The following AZIN2 variants were observed in gnomAD, a reference collection of about 807,000 sequenced individuals.
AZIN2 encodes ODC antizyme inhibitor-2.
A neutral mutation model predicts 47.8 loss-of-function variants in AZIN2; 28 were observed. The ratio of observed to expected loss-of-function variants is 0.59; its 90% confidence interval spans 0.43 to 0.80. AZIN2 has a LOEUF of 0.80. AZIN2 is among the 30% of genes least tolerant of loss of function. The pLI is 0.00. For missense variants in AZIN2, 535 were observed against 582.5 expected (o/e 0.92, Z 0.84); for synonymous variants, 221 against 239.4 (o/e 0.92, Z 0.71).
At chr1:33,136,707 A>G in the AZIN2 span, among the ~76,000 whole-genome samples, 1 of 151,620 alleles carries the variant, frequency 6.6e-6, no homozygotes, top group South Asian at 2.1e-4. Context: ...ACTGTCTATG[A>G]AAATCAGCCA....
the AZIN2 span, among the ~76,000 whole-genome samples, chr1:33,130,333 G>A: frequency 4.6e-5 from 7 of 152,230 alleles, no homozygotes; most frequent in African/African-American, 1.7e-4. Flanking sequence ...TATGTTAGAA[G>A]TGACGGGTTG....
chr1:33,161,878 C>G, the AZIN2 span, among the ~76,000 whole-genome samples: 1 of 152,186 alleles, frequency 6.6e-6, no homozygotes, highest in African/African-American at 2.4e-5. The surrounding 1 kb of genome is among the most constrained non-coding windows in gnomAD (Gnocchi z 4.3). Context: ...CTCTGCCTCC[C>G]ATGTTCCTCG....
At chr1:33,101,735 C>T (rs1029456580) in intron 10 of AZIN2, 29 of 656,768 alleles carry the variant, frequency 4.4e-5, no homozygotes, top group Non-Finnish European at 6.7e-5. Context: ...ATCTATTCCT[C>T]GAGTGTATTT....
At chr1:33,140,701 G>A in the AZIN2 span, among the ~76,000 whole-genome samples, 1 of 152,212 alleles carries the variant, frequency 6.6e-6, no homozygotes, top group Non-Finnish European at 1.5e-5. This position sits in a 1 kb window ranked among gnomAD's most constrained non-coding sequence, Gnocchi z 4.0. Context: ...TGTCCTTGCT[G>A]TGGCTGGTGC....
chr1:33,146,933 T>C, the AZIN2 span: 1 of 544,872 alleles, frequency 1.8e-6, no homozygotes, highest in Non-Finnish European at 3.3e-6. Context: ...GGAGAAGCCA[T>C]GTCACATCCT....
chr1:33,141,777 C>A, the AZIN2 span: 1 of 168,562 alleles, frequency 5.9e-6, no homozygotes, highest in South Asian at 1.8e-4. Context: ...AGCAAACCAC[C>A]ATAGCACACA....
In AZIN2 at chr1:33,093,235, G is replaced by A. The variant is rs772074708; in HGVS notation, c.453-47G>A. 150 of 1,607,262 alleles carry A rather than the reference G, an allele frequency of 9.3e-5. 2 individuals carry two copies. In the Admixed American group the frequency reaches 2.4e-3, roughly 26 times the overall value. The stretch of plus-strand genomic sequence containing the variant: ...CTTGATTGAGAGATGTGGCTGGGGT[G>A]GGGCGACAGGGTTTGTCCAGCAGAG... On this transcript the variant is annotated intron_variant, in intron 6 of 11. Transcript: ENST00000294517.
intron 5 of AZIN2, among the ~76,000 whole-genome samples, chr1:33,084,810 G>A (rs780273829): frequency 6.6e-6 from 1 of 152,076 alleles, no homozygotes; most frequent in Non-Finnish European, 1.5e-5. Context: ...ATGTTGGCCA[G>A]GTTGATCTCA....
chr1:33,135,718 C>T, the AZIN2 span, among the ~76,000 whole-genome samples: 72 of 152,306 alleles, frequency 4.7e-4, 1 homozygote, highest in Admixed American at 3.7e-3. Context: ...CAGGAGGAAC[C>T]TCTTCTCTTG....
At chr1:33,147,896 AG>A in the AZIN2 span, among the ~76,000 whole-genome samples, 1 of 152,204 alleles carries the variant, frequency 6.6e-6, no homozygotes, top group South Asian at 2.1e-4. This position sits in a 1 kb window ranked among gnomAD's most constrained non-coding sequence, Gnocchi z 8.1. Context: ...CCTCCTCTGT[AG>A]AATGGAAGGG....
At position 33,123,235 on chromosome 1, in the gene AZIN2, A is replaced by T. The variant is rs1262656372; in HGVS notation, c.*3053A>T. ...CTAGTCTCTCTCTTTTCTCTTAACT[A>T]GTTTTCTTTTTCTTCATAGTACCTA... On this transcript the variant is annotated 3_prime_UTR_variant, in exon 12 of 12. Coordinates refer to ENST00000294517, the MANE Select transcript of AZIN2 (RefSeq NM_052998.4). Among the ~76,000 whole-genome samples, 2 of 152,052 alleles carry T rather than the reference A, an allele frequency of 1.3e-5. No individual in the cohort carries two copies. Among genetic ancestry groups the T allele is most frequent in the African/African-American group, 4.8e-5 (2 of 41,386 alleles).
chr1:33,095,694 A>C (rs1035378945), intron 8 of AZIN2, among the ~76,000 whole-genome samples: 4 of 152,242 alleles, frequency 2.6e-5, no homozygotes, highest in African/African-American at 9.6e-5. Flanking sequence ...CAAAATCTGC[A>C]TATAACTTTT....
rs137967259 is a variant in AZIN2, at chr1:33,096,783, G to A, written c.830G>A (p.Gly277Glu). The A allele has an allele frequency of 1.9e-4, 300 of 1,614,058 alleles. No individual in the cohort carries two copies. The highest frequency in any genetic ancestry group is 2.5e-4 in the Non-Finnish European group (294 of 1,180,040). Residue 277 changes from glycine to glutamate, a missense_variant, in exon 9 of 12, where the codon GGG becomes GAG. Around this residue, in one of 3 missense-constraint regions of AZIN2, gnomAD observed 409 missense variants for 429.0 expected, o/e 0.95. Transcript: ENST00000294517. ...GGCGTGGACATCTTTGCTGAGCTGG[G>A]GCGCTACTACGTGACCTCGGCCTTC... ...GCGVDIFAELGRYYVTSAFTV... is the reference protein window; with the variant it reads ...GCGVDIFAELERYYVTSAFTV...
Position 33,096,725 on chromosome 1 carries a change from T to G in AZIN2, c.772T>G (p.Ser258Ala). Residue 258 changes from serine (S) to alanine (A), a missense_variant, in exon 9 of 12, where the codon TCA becomes GCA. Coordinates refer to ENST00000294517, the MANE Select transcript of AZIN2 (RefSeq NM_052998.4). ...CTACCAGATTGCTTCCGTGATCAAC[T>G]CAGCCTTGGACCTGTACTTCCCAGA... ...RFEEIASVINSALDLYFPEGC... is the reference protein window; with the variant it reads ...RFEEIASVINAALDLYFPEGC... 6.2e-7 allele frequency: 1 copy of G among 1,614,236 alleles called. No homozygotes were observed. The highest frequency in any genetic ancestry group is 1.1e-5 in the South Asian group (1 of 91,082).
intron 10 of AZIN2, among the ~76,000 whole-genome samples, chr1:33,107,001 CTAAGGCTTGG>C (rs1644036408): frequency 6.6e-6 from 1 of 152,200 alleles, no homozygotes; most frequent in South Asian, 2.1e-4. Context: ...ATAGAAAACT[CTAAGGCTTGG>C]CGTGGTGGCT....
chr1:33,158,901 C>T, the AZIN2 span, among the ~76,000 whole-genome samples: 4 of 151,644 alleles, frequency 2.6e-5, no homozygotes, highest in Middle Eastern at 3.4e-3. Context: ...AGTGCAATGG[C>T]GCGATCTCAG....
At chr1:33,147,547 C>T in the AZIN2 span, 1 of 1,614,106 alleles carries the variant, frequency 6.2e-7, no homozygotes, top group Non-Finnish European at 8.5e-7. This position sits in a 1 kb window ranked among gnomAD's most constrained non-coding sequence, Gnocchi z 8.1. Context: ...CACCACCTCC[C>T]AGTAGTGGAC....
intron 10 of AZIN2, among the ~76,000 whole-genome samples, chr1:33,108,989 G>C (rs929249066): frequency 6.6e-6 from 1 of 152,192 alleles, no homozygotes; most frequent in Non-Finnish European, 1.5e-5. Context: ...ATTCCCACCA[G>C]CAATGAATGG....
At chr1:33,140,095 G>T in the AZIN2 span, among the ~76,000 whole-genome samples, 1 of 152,114 alleles carries the variant, frequency 6.6e-6, no homozygotes, top group African/African-American at 2.4e-5. The surrounding 1 kb of genome is among the most constrained non-coding windows in gnomAD (Gnocchi z 4.0). Flanking sequence ...GGCAGAGGGG[G>T]GTCCCTAAGA....
Sources: allele counts gnomAD v4.1 joint callset (sites outside exome capture counted in the v4.1 genomes callset), GRCh38; gene constraint gnomAD v4.1.1; regional missense constraint gnomAD v4.1.1; non-coding constraint Gnocchi (gnomAD v3.1); transcripts MANE v1.5; gene names NCBI Gene and HGNC (gene_info 2026-07-23, HGNC 2026-07-21).